WDR70: variants seen among roughly 807,000 people sequenced by gnomAD.
WDR70 encodes WD repeat domain 70.
A neutral mutation model predicts 88.6 loss-of-function variants in WDR70; 53 were observed. That is an observed-to-expected ratio of 0.60 (90% CI 0.48 to 0.75). The LOEUF is 0.75. WDR70 is among the 30% of genes least tolerant of loss of function. WDR70 has a pLI of 0.00. For missense variants in WDR70, 610 were observed against 823.2 expected (o/e 0.74, Z 3.17); for synonymous variants, 280 against 270.0 (o/e 1.04, Z -0.36).
At chr5:37,409,356 T>C (rs1373169232) in intron 5 of WDR70, among the ~76,000 whole-genome samples, 2 of 152,216 alleles carry the variant, frequency 1.3e-5, no homozygotes, top group African/African-American at 4.8e-5. Flanking sequence ...TCCAAAAAAC[T>C]AGCCTCAGCC....
intron 10 of WDR70, among the ~76,000 whole-genome samples, chr5:37,645,783 A>G (rs1745216595): frequency 6.6e-6 from 1 of 152,054 alleles, no homozygotes; most frequent in African/African-American, 2.4e-5. Flanking sequence ...TTATAAACAT[A>G]TCTATTCTTG....
At chr5:37,654,046 T>G (rs1382531859) in intron 10 of WDR70, among the ~76,000 whole-genome samples, 3 of 152,218 alleles carry the variant, frequency 2.0e-5, no homozygotes, top group Non-Finnish European at 4.4e-5. Flanking sequence ...AGGGTGTCGA[T>G]TTTAGATGTT....
intron 7 of WDR70, among the ~76,000 whole-genome samples, chr5:37,451,991 T>TCAACAACAA (rs542435647): frequency 1.3e-5 from 2 of 151,846 alleles, no homozygotes; most frequent in South Asian, 2.1e-4. Context: ...AGACTCCATC[T>TCAACAACAA]CAACAACAAC....
intron 5 of WDR70, among the ~76,000 whole-genome samples, chr5:37,432,411 C>G (rs760817281): frequency 6.6e-6 from 1 of 152,152 alleles, no homozygotes; most frequent in Non-Finnish European, 1.5e-5. Context: ...ATCTTTGAGA[C>G]GTAGTCTCGC....
intron 10 of WDR70, among the ~76,000 whole-genome samples, chr5:37,647,101 C>G (rs1019149339): frequency 3.3e-5 from 5 of 152,116 alleles, no homozygotes; most frequent in African/African-American, 1.2e-4. Context: ...AATAGCCTGT[C>G]TTCAAGCTCA....
chr5:37,546,986 G>C (rs1742019839), intron 9 of WDR70, among the ~76,000 whole-genome samples: 1 of 152,132 alleles, frequency 6.6e-6, no homozygotes, highest in Admixed American at 6.5e-5. Flanking sequence ...GAGTTGGAGA[G>C]TATACTTGTT....
At chr5:37,658,210 G>A (rs1002647204) in intron 10 of WDR70, among the ~76,000 whole-genome samples, 8 of 151,844 alleles carry the variant, frequency 5.3e-5, no homozygotes, top group Non-Finnish European at 7.4e-5. Flanking sequence ...TTGCTGTCTC[G>A]GGGGTAGCAT....
chr5:37,622,522 G>A (rs1281346751), intron 10 of WDR70, among the ~76,000 whole-genome samples: 1 of 152,170 alleles, frequency 6.6e-6, no homozygotes, highest in Non-Finnish European at 1.5e-5. Context: ...ACTAGATTAA[G>A]AAAATGTGGC....
chr5:37,682,571 A>G lies in WDR70; in HGVS notation c.1093-15084A>G, dbSNP rs1356378181. Among the ~76,000 whole-genome samples the G allele has an allele frequency of 2.0e-5, 3 of 152,138 alleles. No individual in the cohort carries two copies. In the East Asian group the frequency reaches 5.8e-4, roughly 29 times the overall value. On this transcript the variant is annotated intron_variant, in intron 10 of 17. Transcript: ENST00000265107. Reference sequence around the variant, plus strand: ...CTTTTTAATGTGGGTGTTTAGCGCTATAAATTTCCTTCTTAACACTGCCTT... The same window carrying G: ...CTTTTTAATGTGGGTGTTTAGCGCTGTAAATTTCCTTCTTAACACTGCCTT...
chr5:37,468,589 T>G (rs1739232514), intron 7 of WDR70, among the ~76,000 whole-genome samples: 1 of 152,190 alleles, frequency 6.6e-6, no homozygotes, highest in African/African-American at 2.4e-5. Context: ...TAATTTTTTT[T>G]TGTAGGGAAA....
At chr5:37,727,802 C>A (rs1748021410) in intron 17 of WDR70, among the ~76,000 whole-genome samples, 1 of 152,084 alleles carries the variant, frequency 6.6e-6, no homozygotes, top group Non-Finnish European at 1.5e-5. Context: ...TCTTGAACTT[C>A]TGGTCTCAAG....
intron 17 of WDR70, among the ~76,000 whole-genome samples, chr5:37,736,263 T>C (rs1406666901): frequency 6.6e-6 from 1 of 152,334 alleles, no homozygotes; most frequent in Middle Eastern, 3.4e-3. Context: ...CCAGATAGGC[T>C]GCCATTATTT....
At chr5:37,484,527 C>T (rs771013149) in intron 8 of WDR70, among the ~76,000 whole-genome samples, 1 of 152,018 alleles carries the variant, frequency 6.6e-6, no homozygotes, top group Non-Finnish European at 1.5e-5. Context: ...TTCGGCTTGG[C>T]ATCAGAGGGA....
intron 9 of WDR70, among the ~76,000 whole-genome samples, chr5:37,598,164 A>G (rs1453376855): frequency 1.3e-5 from 2 of 152,222 alleles, no homozygotes; most frequent in Non-Finnish European, 2.9e-5. Flanking sequence ...TAATAAGTAC[A>G]AAAAGTTGAA....
At chr5:37,662,548 GAC>G (rs1745730946) in intron 10 of WDR70, among the ~76,000 whole-genome samples, 2 of 152,144 alleles carry the variant, frequency 1.3e-5, no homozygotes, top group African/African-American at 4.8e-5. Flanking sequence ...TTCAGATTAA[GAC>G]AGTTTGTTTC....
chr5:37,553,526 A>G (rs1408187685), intron 9 of WDR70, among the ~76,000 whole-genome samples: 1 of 152,162 alleles, frequency 6.6e-6, no homozygotes, highest in Non-Finnish European at 1.5e-5. Context: ...CGCAAGCAGT[A>G]CTGTTTCCTG....
intron 9 of WDR70, among the ~76,000 whole-genome samples, chr5:37,535,536 AAAATT>A (rs1197126880): frequency 1.3e-5 from 2 of 152,214 alleles, no homozygotes; most frequent in Non-Finnish European, 2.9e-5. Context: ...CTGTATTTTT[AAAATT>A]AAATTAAAAT....
chr5:37,690,872 C>T (rs934286729), intron 10 of WDR70, among the ~76,000 whole-genome samples: 2 of 152,130 alleles, frequency 1.3e-5, no homozygotes, highest in Non-Finnish European at 2.9e-5. Flanking sequence ...TCACACATAA[C>T]ATTATTAACG....
chr5:37,714,673 T>C (rs1327861709), intron 13 of WDR70, among the ~76,000 whole-genome samples: 1 of 152,196 alleles, frequency 6.6e-6, no homozygotes, highest in Non-Finnish European at 1.5e-5. Flanking sequence ...TGGGGTCATT[T>C]GCCTTGCAGG....
Sources: allele counts gnomAD v4.1 joint callset (sites outside exome capture counted in the v4.1 genomes callset), GRCh38; gene constraint gnomAD v4.1.1; transcripts MANE v1.5; gene names NCBI Gene and HGNC (gene_info 2026-07-23, HGNC 2026-07-21).